DIXDC1: variants seen among roughly 807,000 people sequenced by gnomAD.
DIXDC1 encodes the protein dixin.
Under a neutral mutation model 103.1 loss-of-function variants are expected in DIXDC1, and 64 were observed. That is an observed-to-expected ratio of 0.62 (90% CI 0.51 to 0.76). The LOEUF is 0.76. Ranked by LOEUF, DIXDC1 falls within the 30% of genes least tolerant of loss-of-function variation. DIXDC1 has a pLI of 0.00. For missense variants in DIXDC1, 759 were observed against 834.2 expected (o/e 0.91, Z 1.11); for synonymous variants, 266 against 298.5 (o/e 0.89, Z 1.12).
chr11:112,013,551 CCT>C (rs1272699722), intron 17 of DIXDC1, among the ~76,000 whole-genome samples: 4 of 151,932 alleles, frequency 2.6e-5, no homozygotes, highest in Admixed American at 6.6e-5. Context: ...CTTGTGTTCC[CCT>C]GTCTTAGGTA....
chr11:111,938,755 A>G (rs1966307938), intron 1 of DIXDC1, among the ~76,000 whole-genome samples: 1 of 152,184 alleles, frequency 6.6e-6, no homozygotes, highest in African/African-American at 2.4e-5. Context: ...CCCGTGCCCT[A>G]GCGTTGTTCC....
At chr11:111,933,844 T>C (rs1966115570), upstream of DIXDC1, among the ~76,000 whole-genome samples, 1 of 152,222 alleles carries the variant, frequency 6.6e-6, no homozygotes, top group African/African-American at 2.4e-5. Flanking sequence ...TATATAGATT[T>C]GAATTTCACA....
chr11:111,978,889 A>G (rs781914622), intron 5 of DIXDC1, among the ~76,000 whole-genome samples: 15 of 152,222 alleles, frequency 9.9e-5, no homozygotes, highest in Non-Finnish European at 1.5e-4. Context: ...GCACAAATCT[A>G]TTCTCCTTGT....
At position 112,006,564 on chromosome 11, in the gene DIXDC1, G is replaced by T. The variant is rs1469650912; in HGVS notation, c.1757-10127G>T. 2.0e-5 allele frequency among the ~76,000 whole-genome samples: 3 copies of T among 152,290 alleles called. No individual in the cohort carries two copies. The South Asian group carries it at 6.2e-4, about 32-fold the overall frequency. ...TGACTTACATCTCATACAGGCAAGT[G>T]CCCCTCTGGGACAAAGCTTACAGAG... On this transcript the variant is annotated intron_variant, in intron 17 of 19. Transcript: ENST00000440460.
At chr11:111,993,051 G>T in intron 12 of DIXDC1, 47 bp downstream of exon 12, 1 of 1,552,590 alleles carries the variant, frequency 6.4e-7, no homozygotes, top group Non-Finnish European at 8.8e-7. Flanking sequence ...GACTTTTCAT[G>T]AACAGCCCGT....
intron 1 of DIXDC1, among the ~76,000 whole-genome samples, chr11:111,951,883 T>TG (rs1966817402): frequency 6.6e-6 from 1 of 151,576 alleles, no homozygotes; most frequent in South Asian, 2.1e-4. Context: ...TTTTTTTTTT[T>TG]GTGATGGAGT....
rs1339046383 is a variant in DIXDC1 at position 112,019,676 on chromosome 11, T to C, written c.*640T>C. 1 of 152,696 alleles carries C rather than the reference T, an allele frequency of 6.5e-6. No individual in the cohort carries two copies. Among genetic ancestry groups the C allele is most frequent in the Non-Finnish European group, 1.5e-5 (1 of 68,066 alleles). The allele number at this position is 152,696 out of a possible 1,614,324, so 9.5% of individuals were successfully genotyped here. ...ACTGTAATTTAGTAAGACCTTGGGCTGCCTCTTCTGTCTTAACTGGTTCTG... is the reference window on the plus strand; with the variant it reads ...ACTGTAATTTAGTAAGACCTTGGGCCGCCTCTTCTGTCTTAACTGGTTCTG... On this transcript the variant is annotated 3_prime_UTR_variant, in exon 20 of 20. Transcript: ENST00000440460.
chr11:111,930,717 C>T (rs1294424377), intron 2 of DIXDC1, among the ~76,000 whole-genome samples: 1 of 152,030 alleles, frequency 6.6e-6, no homozygotes, highest in Non-Finnish European at 1.5e-5. Context: ...CTATGTCAGG[C>T]CAGGTGAGGT....
At chr11:111,971,171 CAG>C (rs1438516829) in intron 3 of DIXDC1, among the ~76,000 whole-genome samples, 1 of 152,190 alleles carries the variant, frequency 6.6e-6, no homozygotes, top group East Asian at 1.9e-4. Flanking sequence ...GAGAAACTAT[CAG>C]GGGAGTAAGC....
rs182278039 is a variant in DIXDC1 at position 111,986,900 on chromosome 11, T to C, written c.1038T>C (p.Ser346=). 9.4e-5 allele frequency: 148 copies of C among 1,577,460 alleles called. No homozygotes were observed. The East Asian group carries it at 2.8e-3, about 30-fold the overall frequency. Reference sequence around the variant, plus strand: ...TAATCCAAAGTCGTCTGGATCAGAGTATGGAGGAGAATCAGGACTTAAAGG... The same window carrying C: ...TAATCCAAAGTCGTCTGGATCAGAGCATGGAGGAGAATCAGGACTTAAAGG... ...LIIIQSRLDQ[S]MEENQDLKKE... is the part of the protein sequence containing the mutation. The change falls in exon 9 of 20, where the codon AGT becomes AGC. Residue 346 remains serine (S), a synonymous_variant. Transcript: ENST00000440460.
chr11:111,989,133 G>C, intron 10 of DIXDC1, 78 bp downstream of exon 10: 1 of 1,262,396 alleles, frequency 7.9e-7, no homozygotes, highest in Non-Finnish European at 1.1e-6. Flanking sequence ...GTGAGAGTTG[G>C]AATTTTCTGT....
intron 8 of DIXDC1, among the ~76,000 whole-genome samples, chr11:111,986,497 T>A (rs1161245571): frequency 1.3e-5 from 2 of 151,804 alleles, no homozygotes; most frequent in Non-Finnish European, 2.9e-5. Context: ...CCCAAGCAGC[T>A]GGGATTACAG....
intron 2 of DIXDC1, among the ~76,000 whole-genome samples, chr11:111,930,692 T>C (rs1965980983): frequency 6.6e-6 from 1 of 152,102 alleles, no homozygotes; most frequent in Non-Finnish European, 1.5e-5. Flanking sequence ...AAATAATTAA[T>C]TTCCTTATTT....
chr11:111,986,820 C>A, intron 8 of DIXDC1, 51 bp from the exon 9 acceptor site: 1 of 1,511,632 alleles, frequency 6.6e-7, no homozygotes, highest in Non-Finnish European at 9.0e-7. Flanking sequence ...ATGAGTGGCT[C>A]TGTACTTCAC....
chr11:111,998,597 G>A lies in DIXDC1; in HGVS notation c.1756+2451G>A, dbSNP rs1303414770. ...CTCGCTCTGTTGCCCAGGCTGGAGT[G>A]CAATGGCGTGATCTCGACTCACTGC... On this transcript the variant is annotated intron_variant, in intron 17 of 19. Coordinates refer to ENST00000440460, the MANE Select transcript of DIXDC1 (RefSeq NM_001037954.4). This position sits in a 1 kb window ranked among gnomAD's most constrained non-coding sequence, Gnocchi z 4.1. Among the ~76,000 whole-genome samples the A allele has an allele frequency of 6.6e-6, 1 of 151,972 alleles. No individual in the cohort carries two copies. The highest frequency in any genetic ancestry group is 6.6e-5 in the Admixed American group (1 of 15,266).
intron 17 of DIXDC1, among the ~76,000 whole-genome samples, chr11:112,008,131 CAAA>C (rs782037838): frequency 2.7e-4 from 14 of 52,226 alleles, no homozygotes; most frequent in East Asian, 6.6e-4. Flanking sequence ...AAATGCAAAG[CAAA>C]AAAAAAAAAA....
intron 5 of DIXDC1, among the ~76,000 whole-genome samples, chr11:111,979,159 G>T (rs1555173004): frequency 6.6e-6 from 1 of 152,202 alleles, no homozygotes; most frequent in Non-Finnish European, 1.5e-5. Context: ...AGAAGGAAGA[G>T]AATGTATTTC....
At chr11:112,012,530 T>G (rs1451529383) in intron 17 of DIXDC1, among the ~76,000 whole-genome samples, 1 of 152,204 alleles carries the variant, frequency 6.6e-6, no homozygotes, top group Non-Finnish European at 1.5e-5. Flanking sequence ...TGACCTATAC[T>G]TCATACCATA....
intron 16 of DIXDC1, among the ~76,000 whole-genome samples, 161 bp from the exon 17 acceptor site, chr11:111,995,919 A>G (rs1411584727): frequency 1.3e-5 from 2 of 152,196 alleles, no homozygotes; most frequent in African/African-American, 4.8e-5. Flanking sequence ...AAAGCCTTTC[A>G]TATATATTAT....
Sources: allele counts gnomAD v4.1 joint callset (sites outside exome capture counted in the v4.1 genomes callset), GRCh38; gene constraint gnomAD v4.1.1; non-coding constraint Gnocchi (gnomAD v3.1); transcripts MANE v1.5; gene names NCBI Gene and HGNC (gene_info 2026-07-23, HGNC 2026-07-21).